Variants in YBEY observed in about 807,000 individuals in gnomAD.
YBEY encodes the protein endoribonuclease YbeY.
YBEY carries 15 observed loss-of-function variants against 13.5 expected under a neutral mutation model. That is an observed-to-expected ratio of 1.11 (90% CI 0.75 to 1.72). The LOEUF (loss-of-function observed/expected upper bound fraction) is 1.72. Among genes scored for constraint, YBEY ranks in the 40% most tolerant of loss-of-function variants. The pLI is 0.00. For synonymous variants in YBEY, 101 were observed against 83.1 expected, an observed-to-expected ratio of 1.21 and a Z score of -1.17; for missense variants, 244 against 208.4, an observed-to-expected ratio of 1.17 and a Z score of -1.05.
At chr21:46,303,753 T>TA in the YBEY span, among the ~76,000 whole-genome samples, 4 of 40,832 alleles carry the variant, frequency 9.8e-5, 1 homozygote, top group Non-Finnish European at 1.4e-4. Context: ...ATATTTTTTT[T>TA]TTTTTTTTTT....
At chr21:46,305,010 T>C in the YBEY span, among the ~76,000 whole-genome samples, 1 of 152,180 alleles carries the variant, frequency 6.6e-6, no homozygotes, top group Non-Finnish European at 1.5e-5. Context: ...GTCAGACTCA[T>C]AGAAACAGAA....
At chr21:46,307,767 G>T in the YBEY span, among the ~76,000 whole-genome samples, 1 of 152,156 alleles carries the variant, frequency 6.6e-6, no homozygotes, top group Non-Finnish European at 1.5e-5. Context: ...CAGCTGTCAG[G>T]TGATTCAGCC....
downstream of YBEY, among the ~76,000 whole-genome samples, chr21:46,300,000 C>G (rs553188134): frequency 5.9e-5 from 9 of 152,188 alleles, no homozygotes; most frequent in Non-Finnish European, 1.2e-4. Flanking sequence ...AAGGCTAAGC[C>G]AGTGCAGCTG....
chr21:46,288,390 A>G (rs1195734096), intron 2 of YBEY, among the ~76,000 whole-genome samples: 4 of 152,324 alleles, frequency 2.6e-5, no homozygotes, highest in East Asian at 3.9e-4. Flanking sequence ...ACCAAAAGGC[A>G]GAAGAGGCCG....
At chr21:46,294,716 A>T (rs1471325065) in intron 3 of YBEY, among the ~76,000 whole-genome samples, 1 of 151,756 alleles carries the variant, frequency 6.6e-6, no homozygotes, top group East Asian at 1.9e-4. Context: ...GACCTCTCTC[A>T]CTGTTATCAT....
In YBEY at chr21:46,297,583, C is replaced by A; in HGVS notation, c.453C>A (p.Arg151=). The A allele has an allele frequency of 1.4e-6, 2 of 1,387,144 alleles. No individual in the cohort carries two copies. Among genetic ancestry groups the A allele is most frequent in the Non-Finnish European group, 9.5e-7 (1 of 1,055,958 alleles). The allele number at this position is 1,387,144 out of a possible 1,614,324, so 85.9% of individuals were successfully genotyped here. Residue 151 remains arginine (R), a synonymous_variant, in exon 5 of 5, where the codon CGC becomes CGA. Transcript: ENST00000397701. ...CGGTGCTGGACGAGCTGGGCCGACG[C>A]ACGGGGACCCGGCTGCAGCCCCTGA... The part of the protein sequence containing the change: ...EKAVLDELGR[R]TGTRLQPLTR...
rs754643450 is a variant in YBEY at position 46,287,066 on chromosome 21, T to C, written c.153T>C (p.Asn51=). 1.1e-5 allele frequency: 18 copies of C among 1,613,610 alleles called. No individual in the cohort carries two copies. Among genetic ancestry groups the C allele is most frequent in the East Asian group, 4.5e-5 (2 of 44,882 alleles). The stretch of plus-strand genomic sequence containing the variant: ...ACAACAAGAATATTCAGCACATTAA[T>C]AGAATCTACAGAGATAGAAATGTCC... ...CVDNKNIQHI[N]RIYRDRNVPT... The change falls in exon 2 of 5, where the codon AAT becomes AAC. Residue 51 remains asparagine, a synonymous_variant. Transcript: ENST00000397701.
At chr21:46,310,476 T>A in the YBEY span, among the ~76,000 whole-genome samples, 1 of 144,718 alleles carries the variant, frequency 6.9e-6, no homozygotes. Context: ...CGAGACTGTC[T>A]CAGAACAAAA....
downstream of YBEY, chr21:46,300,509 C>A: frequency 2.9e-6 from 1 of 344,840 alleles, no homozygotes; most frequent in Non-Finnish European, 4.5e-6. Context: ...GGAGTCTGAG[C>A]TTTGGTTTGA....
chr21:46,298,031 A>G (rs1569106766), downstream of YBEY, among the ~76,000 whole-genome samples: 1 of 152,126 alleles, frequency 6.6e-6, no homozygotes, highest in Non-Finnish European at 1.5e-5. Context: ...TAAACCCTGG[A>G]GTTTCAGCGC....
chr21:46,308,823 T>A, the YBEY span, among the ~76,000 whole-genome samples: 10 of 152,126 alleles, frequency 6.6e-5, no homozygotes, highest in Non-Finnish European at 1.2e-4. Context: ...TAATGTGTTA[T>A]CATGGGAGGA....
At chr21:46,300,801 G>C (rs1390212482), downstream of YBEY, 1 of 1,287,684 alleles carries the variant, frequency 7.8e-7, no homozygotes, top group Non-Finnish European at 1.0e-6. Context: ...TGTCCTAATA[G>C]GGGGTGAATG....
intron 2 of YBEY, among the ~76,000 whole-genome samples, chr21:46,291,017 A>AG (rs767247391): frequency 2.1e-5 from 2 of 94,840 alleles, no homozygotes; most frequent in African/African-American, 7.1e-5. Context: ...ACTCTGTCTC[A>AG]GGAAAAAAAA....
At chr21:46,289,495 G>GAAT (rs2081607390) in intron 2 of YBEY, among the ~76,000 whole-genome samples, 1 of 147,674 alleles carries the variant, frequency 6.8e-6, no homozygotes, top group South Asian at 2.1e-4. Context: ...ACCCAGGCTG[G>GAAT]AGTGCAATGG....
chr21:46,302,552 TGCA>T (rs753899952), downstream of YBEY: 3 of 1,612,414 alleles, frequency 1.9e-6, no homozygotes, highest in Admixed American at 1.7e-5. Flanking sequence ...CTGTGCGTTC[TGCA>T]GCAGCAGCAG....
At chr21:46,296,452 G>A (rs1052621947) in intron 4 of YBEY, among the ~76,000 whole-genome samples, 1 of 152,224 alleles carries the variant, frequency 6.6e-6, no homozygotes, top group Admixed American at 6.5e-5. Flanking sequence ...TGCAGAGGCC[G>A]AGAGCCACAG....
chr21:46,286,946 C>G lies in YBEY; in HGVS notation c.33C>G (p.Val11=). The G allele has an allele frequency of 6.2e-7, 1 of 1,614,048 alleles. No individual in the cohort carries two copies. The change falls in exon 2 of 5, where the codon GTC becomes GTG. Residue 11 remains valine (V), a synonymous_variant. Transcript: ENST00000397701. MSLVIRNLQR[V]IPIRRAPLRS... ...TGGTGATTAGAAATCTGCAGCGAGTCATCCCCATCAGGAGAGCGCCACTTC... is the reference window on the plus strand; with the variant it reads ...TGGTGATTAGAAATCTGCAGCGAGTGATCCCCATCAGGAGAGCGCCACTTC...
intron 2 of YBEY, among the ~76,000 whole-genome samples, chr21:46,288,693 AAAAG>A (rs1033282679): frequency 1.6e-4 from 25 of 151,852 alleles, no homozygotes; most frequent in African/African-American, 6.0e-4. Flanking sequence ...GAAAAAAAAA[AAAAG>A]AAGAAAAGAA....
At chr21:46,287,555 T>C (rs1187452162) in intron 2 of YBEY, among the ~76,000 whole-genome samples, 2 of 152,206 alleles carry the variant, frequency 1.3e-5, no homozygotes, top group African/African-American at 2.4e-5. Context: ...CCTATAAGTA[T>C]ATATGTTACA....
Sources: allele counts gnomAD v4.1 joint callset (sites outside exome capture counted in the v4.1 genomes callset), GRCh38; gene constraint gnomAD v4.1.1; transcripts MANE v1.5; gene names NCBI Gene and HGNC (gene_info 2026-07-23, HGNC 2026-07-21).